Variants in MEMO1 observed in about 807,000 individuals in gnomAD.
The protein encoded by MEMO1 is mediator of cell motility 1.
In MEMO1, 6 loss-of-function variants were observed where a neutral mutation model predicts 45.2. The ratio of observed to expected loss-of-function variants is 0.13; its 90% CI spans 0.07 to 0.26. The LOEUF (loss-of-function observed/expected upper bound fraction) is 0.26, where lower values mean the gene tolerates loss of function less well. Ranked by LOEUF, MEMO1 falls within the 10% of genes least tolerant of loss-of-function variation. MEMO1 has a pLI of 1.00. For missense variants in MEMO1, 184 were observed against 370.5 expected (o/e 0.50, Z 4.13); for synonymous variants, 78 against 124.3 (o/e 0.63, Z 2.48).
At chr2:31,987,748 T>G (rs2148529378) in intron 2 of MEMO1, among the ~76,000 whole-genome samples, 1 of 152,252 alleles carries the variant, frequency 6.6e-6, no homozygotes, top group Non-Finnish European at 1.5e-5. Context: ...TTCTGAGCAA[T>G]CTAGTTTTCT....
intron 2 of MEMO1, among the ~76,000 whole-genome samples, chr2:31,960,207 A>AG (rs1176219698): frequency 6.6e-6 from 1 of 152,158 alleles, no homozygotes; most frequent in East Asian, 1.9e-4. Flanking sequence ...AAAAAAAAAA[A>AG]AAAAATTCTA....
intron 2 of MEMO1, among the ~76,000 whole-genome samples, chr2:31,989,299 A>G (rs934907849): frequency 1.3e-5 from 2 of 152,186 alleles, no homozygotes; most frequent in African/African-American, 4.8e-5. Flanking sequence ...AGTAACCAAC[A>G]ATATTTAAGC....
intron 2 of MEMO1, among the ~76,000 whole-genome samples, chr2:31,987,499 T>C (rs958287261): frequency 1.3e-5 from 2 of 152,240 alleles, no homozygotes; most frequent in Admixed American, 6.5e-5. Flanking sequence ...CACTTGTAAA[T>C]ATTATTTAAT....
At chr2:31,979,255 C>G (rs1008291818) in intron 2 of MEMO1, among the ~76,000 whole-genome samples, 4 of 152,182 alleles carry the variant, frequency 2.6e-5, no homozygotes. Context: ...CCCACCAGGT[C>G]TCTCCCTCAA....
intron 2 of MEMO1, among the ~76,000 whole-genome samples, chr2:31,975,140 C>T (rs1478937940): frequency 6.6e-6 from 1 of 151,948 alleles, no homozygotes; most frequent in Non-Finnish European, 1.5e-5. Flanking sequence ...CCACTGCACT[C>T]CAGCCTGGGT....
intron 2 of MEMO1, among the ~76,000 whole-genome samples, chr2:31,960,465 CCTG>C (rs1426238176): frequency 1.3e-5 from 2 of 152,028 alleles, no homozygotes; most frequent in East Asian, 1.9e-4. Context: ...TACACTGTAC[CCTG>C]CTAACACACA....
At chr2:31,978,303 C>T (rs1034444581) in intron 2 of MEMO1, among the ~76,000 whole-genome samples, 2 of 152,118 alleles carry the variant, frequency 1.3e-5, no homozygotes, top group Non-Finnish European at 2.9e-5. Flanking sequence ...AGGAGAATCA[C>T]TTGAACCCAG....
chr2:31,931,948 G>T, intron 4 of MEMO1, 119 bp downstream of exon 4: 1 of 798,476 alleles, frequency 1.3e-6, no homozygotes, highest in Non-Finnish European at 2.0e-6. Context: ...TTCATCAAAA[G>T]TCAAATCCCT....
At chr2:31,901,778 G>A (rs934983217) in intron 6 of MEMO1, among the ~76,000 whole-genome samples, 2 of 151,628 alleles carry the variant, frequency 1.3e-5, no homozygotes, top group Non-Finnish European at 1.5e-5. Context: ...GCGTGGTGGC[G>A]TGCACCTGTA....
At chr2:31,964,318 G>C (rs1332965560) in intron 2 of MEMO1, among the ~76,000 whole-genome samples, 1 of 151,994 alleles carries the variant, frequency 6.6e-6, no homozygotes, top group African/African-American at 2.4e-5. Flanking sequence ...GAAATGTGTA[G>C]ATTAAAGACT....
chr2:31,874,027 A>G (rs1164229001), intron 8 of MEMO1, among the ~76,000 whole-genome samples: 2 of 152,124 alleles, frequency 1.3e-5, no homozygotes, highest in Non-Finnish European at 2.9e-5. Flanking sequence ...AGTAGGAAGG[A>G]AGAAAAGTAG....
intron 2 of MEMO1, among the ~76,000 whole-genome samples, chr2:31,981,172 A>T (rs1670591038): frequency 6.6e-6 from 1 of 152,236 alleles, no homozygotes; most frequent in Admixed American, 6.5e-5. Context: ...GACTGACTGA[A>T]CAGATCTGAA....
At chr2:31,961,445 G>A (rs535941341) in intron 2 of MEMO1, among the ~76,000 whole-genome samples, 1 of 151,510 alleles carries the variant, frequency 6.6e-6, no homozygotes, top group Non-Finnish European at 1.5e-5. Flanking sequence ...CAATGTGTCA[G>A]GCACACTACT....
At chr2:31,985,223 A>C (rs148884110) in intron 2 of MEMO1, among the ~76,000 whole-genome samples, 1 of 152,358 alleles carries the variant, frequency 6.6e-6, no homozygotes, top group East Asian at 1.9e-4. Flanking sequence ...CCAAGTCCCT[A>C]AAATAAAATC....
rs538688215 is a variant in MEMO1 at position 31,908,871 on chromosome 2, G to C, written c.437+9055C>G. Among the ~76,000 whole-genome samples the C allele has an allele frequency of 5.9e-5, 9 of 152,310 alleles. No homozygotes were observed. The South Asian group carries it at 1.2e-3, about 21-fold the overall frequency. ...AAATCCAGCCCCCTCCAGCCTTCTT[G>C]TCTGACCTAAAGTGGGAGAAAATCT... On this transcript the variant is annotated intron_variant, in intron 6 of 9. Coordinates refer to ENST00000404530, the MANE Select transcript of MEMO1 (RefSeq NM_001301833.4).
chr2:31,944,417 T>A (rs1386024284), intron 2 of MEMO1, among the ~76,000 whole-genome samples: 2 of 152,204 alleles, frequency 1.3e-5, no homozygotes, highest in Non-Finnish European at 2.9e-5. Flanking sequence ...CCCAAGACTT[T>A]CCCAGTTTTA....
intron 6 of MEMO1, among the ~76,000 whole-genome samples, chr2:31,896,915 T>C (rs1401698383): frequency 6.6e-6 from 1 of 151,966 alleles, no homozygotes; most frequent in East Asian, 1.9e-4. Context: ...CAACAGTTTG[T>C]AGTTCTCCTT....
At position 31,924,107 on chromosome 2, in the gene MEMO1, C is replaced by A. The variant is rs137875793; in HGVS notation, c.213-3197G>T. Among the ~76,000 whole-genome samples the A allele has an allele frequency of 5.7e-4, 86 of 151,838 alleles. 1 individual carries two copies. The East Asian group carries it at 0.016, about 29-fold the overall frequency. On this transcript the variant is annotated intron_variant, in intron 4 of 9. Transcript: ENST00000404530. ...GGTTTAAGTCCCCTCAATATAAAACCCTTAAAAGCAATATATCTAAAAACA... is the reference window on the plus strand; with the variant it reads ...GGTTTAAGTCCCCTCAATATAAAACACTTAAAAGCAATATATCTAAAAACA...
chr2:31,940,538 A>T (rs1188066753), intron 3 of MEMO1, among the ~76,000 whole-genome samples: 1 of 152,154 alleles, frequency 6.6e-6, no homozygotes, highest in African/African-American at 2.4e-5. Context: ...TTTTAAAACC[A>T]TGTCTTAAAA....
Sources: gnomAD v4.1 joint callset for allele counts (sites outside exome capture counted in the v4.1 genomes callset) on GRCh38, gnomAD v4.1.1 for gene constraint, MANE v1.5 for transcripts, NCBI Gene and HGNC (gene_info 2026-07-23, HGNC 2026-07-21) for gene names.